The following CMSS1 variants were observed in gnomAD, a reference collection of about 807,000 sequenced individuals.
The protein encoded by CMSS1 is cms1 ribosomal small subunit homolog.
Under a neutral mutation model 43.5 loss-of-function variants are expected in CMSS1, and 33 were observed. The observed-to-expected ratio is 0.76, with a 90% CI of 0.57 to 1.01. CMSS1 has a LOEUF of 1.01. CMSS1 is among the 50% of genes least tolerant of loss of function. The pLI is 0.00. For missense variants in CMSS1, 313 were observed against 326.4 expected, an observed-to-expected ratio of 0.96 and a Z score of 0.32; for synonymous variants, 115 against 117.2, an observed-to-expected ratio of 0.98 and a Z score of 0.12.
At chr3:99,981,385 C>T (rs1487831896) in intron 1 of CMSS1, among the ~76,000 whole-genome samples, 1 of 152,152 alleles carries the variant, frequency 6.6e-6, no homozygotes, top group South Asian at 2.1e-4. Flanking sequence ...TCTGTGGGAT[C>T]CATGTGTGTC....
rs1343429772 is a variant in CMSS1, at chr3:100,178,705, G to C, written c.*317G>C. On this transcript the variant is annotated 3_prime_UTR_variant, in exon 10 of 10. Transcript: ENST00000421999. Reference sequence around the variant, plus strand: ...CTGGGTGACCTTAGGCAAGCGTAAGGTCTTGCCTCTCTGAGCCCCATCTTA... The same window carrying C: ...CTGGGTGACCTTAGGCAAGCGTAAGCTCTTGCCTCTCTGAGCCCCATCTTA... 1 of 218,920 alleles carries C rather than the reference G, an allele frequency of 4.6e-6. No homozygotes were observed. Among genetic ancestry groups the C allele is most frequent in the Admixed American group, 5.2e-5 (1 of 19,244 alleles). 13.6% of individuals were successfully genotyped at this position (218,920 alleles called of 1,614,324 possible). A position where few individuals can be genotyped will look rare whatever the true frequency, so the allele number is the denominator to read the frequency against.
intron 1 of CMSS1, among the ~76,000 whole-genome samples, chr3:99,825,828 A>T (rs1942527515): frequency 7.8e-6 from 1 of 128,818 alleles, no homozygotes; most frequent in Non-Finnish European, 1.5e-5. Context: ...CCCAGGCTGG[A>T]GTGCAGTGGC....
rs2067183752 is a variant in CMSS1 at position 100,181,362 on chromosome 3, A to G, written c.*2974A>G. The stretch of plus-strand genomic sequence containing the variant: ...AAAGTTTAAAAAATAGAGAATTCCC[A>G]TATCCCCTTCCCTGAGCTTTCCCTG... On this transcript the variant is annotated 3_prime_UTR_variant, in exon 10 of 10. Coordinates refer to ENST00000421999, the MANE Select transcript of CMSS1 (RefSeq NM_032359.4). The G allele has an allele frequency of 1.3e-5, 2 of 152,242 alleles. No homozygotes were observed. Among genetic ancestry groups the G allele is most frequent in the Non-Finnish European group, 2.9e-5 (2 of 68,040 alleles). 9.4% of individuals were successfully genotyped at this position (152,242 alleles called of 1,614,324 possible).
At chr3:100,124,189 A>AT (rs988675764) in intron 1 of CMSS1, among the ~76,000 whole-genome samples, 172 of 149,430 alleles carry the variant, frequency 1.2e-3, no homozygotes, top group Middle Eastern at 3.4e-3. Context: ...AAACATTCCT[A>AT]TTTTTTTTTT....
intron 1 of CMSS1, among the ~76,000 whole-genome samples, chr3:99,935,363 A>G (rs988180097): frequency 6.6e-6 from 1 of 152,036 alleles, no homozygotes; most frequent in Non-Finnish European, 1.5e-5. Flanking sequence ...TTTACAAGGG[A>G]AAAAAACCTG....
chr3:100,174,404 AAAAG>A (rs2067132992), intron 8 of CMSS1, among the ~76,000 whole-genome samples: 1 of 151,596 alleles, frequency 6.6e-6, no homozygotes. Flanking sequence ...CTCTGTATTT[AAAAG>A]AAAGAGAGGA....
At chr3:99,846,894 G>A (rs1179322609) in intron 1 of CMSS1, among the ~76,000 whole-genome samples, 2 of 152,168 alleles carry the variant, frequency 1.3e-5, no homozygotes, top group African/African-American at 4.8e-5. Context: ...ATGGCAATAA[G>A]CTACTTTGTC....
intron 1 of CMSS1, among the ~76,000 whole-genome samples, chr3:99,860,307 G>GC: frequency 6.6e-6 from 1 of 152,192 alleles, no homozygotes; most frequent in Admixed American, 6.5e-5. Context: ...ATCTTACTAG[G>GC]CCCCCCAGAG....
At position 99,818,059 on chromosome 3, in the gene CMSS1, C is replaced by T. The variant is rs747752596; in HGVS notation, c.64+16C>T. ...AGCAGCCCAGGTACCCACTCTGTGC[C>T]CGCGCTCCTACGGGGCCTCTCCCGG... is the stretch of plus-strand genomic sequence containing the variant. On this transcript the variant is annotated intron_variant, in intron 1 of 9. Coordinates refer to ENST00000421999, the MANE Select transcript of CMSS1 (RefSeq NM_032359.4). The T allele has an allele frequency of 1.2e-6, 2 of 1,612,320 alleles. No homozygotes were observed. The highest frequency in any genetic ancestry group is 2.2e-5 in the East Asian group (1 of 44,852).
At chr3:99,819,944 G>A (rs982569338) in intron 1 of CMSS1, among the ~76,000 whole-genome samples, 6 of 151,576 alleles carry the variant, frequency 4.0e-5, no homozygotes, top group African/African-American at 7.3e-5. Flanking sequence ...TAGTAGAGAC[G>A]GGGTTTCACC....
intron 1 of CMSS1, among the ~76,000 whole-genome samples, chr3:99,881,525 A>ATC (rs376739497): frequency 2.0e-5 from 3 of 148,132 alleles, no homozygotes; most frequent in African/African-American, 7.4e-5. Flanking sequence ...TTTGTAGCCC[A>ATC]TCTCTCTCTC....
intron 1 of CMSS1, among the ~76,000 whole-genome samples, chr3:100,119,210 A>G (rs2066600201): frequency 6.6e-6 from 1 of 152,238 alleles, no homozygotes; most frequent in Non-Finnish European, 1.5e-5. Context: ...TGCTAATTCT[A>G]GAAAATATGA....
chr3:100,028,284 C>G (rs145049868), intron 1 of CMSS1, among the ~76,000 whole-genome samples: 5 of 152,298 alleles, frequency 3.3e-5, no homozygotes, highest in African/African-American at 1.2e-4. Flanking sequence ...GCTAACCTAT[C>G]AAACCCAGGC....
chr3:100,062,936 A>G (rs1478150915), intron 1 of CMSS1, among the ~76,000 whole-genome samples: 1 of 152,200 alleles, frequency 6.6e-6, no homozygotes, highest in Non-Finnish European at 1.5e-5. Flanking sequence ...AATCTCTCTG[A>G]GCCAGCAGAC....
intron 1 of CMSS1, among the ~76,000 whole-genome samples, chr3:100,044,312 A>G (rs1410187399): frequency 1.3e-5 from 2 of 152,192 alleles, no homozygotes; most frequent in African/African-American, 4.8e-5. Context: ...AGTTAGGGAA[A>G]CCAGTGAAAA....
intron 1 of CMSS1, among the ~76,000 whole-genome samples, chr3:99,862,041 A>G (rs768482837): frequency 6.6e-6 from 1 of 152,228 alleles, no homozygotes; most frequent in Non-Finnish European, 1.5e-5. Flanking sequence ...CGTTCTCATT[A>G]GAAGTAGGAT....
intron 1 of CMSS1, among the ~76,000 whole-genome samples, chr3:100,063,211 C>G (rs887617973): frequency 6.6e-6 from 1 of 152,174 alleles, no homozygotes; most frequent in Non-Finnish European, 1.5e-5. Context: ...CCTAGAACTT[C>G]ACCTCTGGCT....
chr3:100,069,273 C>T (rs1211808261), intron 1 of CMSS1, among the ~76,000 whole-genome samples: 1 of 151,674 alleles, frequency 6.6e-6, no homozygotes, highest in Non-Finnish European at 1.5e-5. Flanking sequence ...TAGGGAAAGC[C>T]ACACTCTCTT....
At chr3:99,849,488 T>G (rs142569410) in intron 1 of CMSS1, 29 of 1,613,516 alleles carry the variant, frequency 1.8e-5, no homozygotes, top group Non-Finnish European at 2.4e-5. Context: ...TCAGTTGCCA[T>G]GTATTCATGA....
Sources: gnomAD v4.1 joint callset for allele counts (sites outside exome capture counted in the v4.1 genomes callset) on GRCh38, gnomAD v4.1.1 for gene constraint, MANE v1.5 for transcripts, NCBI Gene and HGNC (gene_info 2026-07-23, HGNC 2026-07-21) for gene names.